Variants in RYR3 observed in about 807,000 individuals in gnomAD.
RYR3 encodes ryanodine receptor 3.
Under a neutral mutation model 584.3 loss-of-function variants are expected in RYR3, and 207 were observed. That is an observed-to-expected ratio of 0.35 (90% confidence interval 0.32 to 0.40). The LOEUF (loss-of-function observed/expected upper bound fraction) is 0.40, where lower values mean the gene tolerates loss of function less well. Ranked by LOEUF, RYR3 falls within the 10% of genes least tolerant of loss-of-function variation. RYR3 has a pLI of 1.00. For synonymous variants in RYR3, 2,416 were observed against 2,248.5 expected, an observed-to-expected ratio of 1.07 and a Z score of -2.11; for missense variants, 5,616 against 6,089.2, an observed-to-expected ratio of 0.92 and a Z score of 2.59.
chr15:33,779,219 C>A (rs2074227052), intron 64 of RYR3, among the ~76,000 whole-genome samples: 2 of 148,104 alleles, frequency 1.4e-5, no homozygotes, highest in East Asian at 1.9e-4. Context: ...CACAATTTTT[C>A]TTTTCTTTTC....
chr15:33,316,501 C>A (rs1968192865), intron 1 of RYR3, among the ~76,000 whole-genome samples: 1 of 151,998 alleles, frequency 6.6e-6, no homozygotes, highest in Non-Finnish European at 1.5e-5. Context: ...CTTTAAGCTA[C>A]CCTTAATACA....
intron 48 of RYR3, among the ~76,000 whole-genome samples, chr15:33,735,033 GC>G (rs5811791): frequency 1 from 152,248 of 152,248 alleles, 76,124 homozygotes; most frequent in Non-Finnish European, 1. Context: ...AGAGCTCACA[GC>G]CCCTATTACT....
At chr15:33,554,334 G>A (rs2056916306) in intron 10 of RYR3, among the ~76,000 whole-genome samples, 1 of 133,202 alleles carries the variant, frequency 7.5e-6, no homozygotes, top group Non-Finnish European at 1.5e-5. Flanking sequence ...TCGTTCTGTT[G>A]CCCAGGCTGG....
chr15:33,782,009 G>A (rs1292739837), intron 65 of RYR3, among the ~76,000 whole-genome samples: 1 of 152,192 alleles, frequency 6.6e-6, no homozygotes, highest in Non-Finnish European at 1.5e-5. Flanking sequence ...GCCAGCCCAG[G>A]TGTTGCTTCC....
intron 99 of RYR3, 158 bp downstream of exon 99, chr15:33,858,072 CAAACAGGAGAG>C: frequency 1.0e-6 from 1 of 959,784 alleles, no homozygotes; most frequent in Non-Finnish European, 1.5e-6. Context: ...ATGTCTTCTC[CAAACAGGAGAG>C]TGTCCTGGGA....
intron 1 of RYR3, among the ~76,000 whole-genome samples, chr15:33,424,235 C>A (rs891786712): frequency 6.6e-6 from 1 of 152,188 alleles, no homozygotes; most frequent in Admixed American, 6.5e-5. Context: ...TCTCAGTGAA[C>A]ACCTGTTTCT....
chr15:33,606,241 G>T (rs911337673), intron 18 of RYR3, among the ~76,000 whole-genome samples: 1 of 152,134 alleles, frequency 6.6e-6, no homozygotes, highest in African/African-American at 2.4e-5. Context: ...AGATTCTTAT[G>T]AAATTTAAAT....
chr15:33,435,518 G>A lies in RYR3; in HGVS notation c.52-37901G>A, dbSNP rs140432306. Among the ~76,000 whole-genome samples, 410 of 152,290 alleles carry A rather than the reference G, an allele frequency of 2.7e-3. 2 individuals carry two copies. The highest frequency in any genetic ancestry group is 9.4e-3 in the African/African-American group (392 of 41,560). ...CTGTAATAAACATTCTTATACTTGT[G>A]TGAGAATTTCTTCAGGATTTATACT... is the stretch of plus-strand genomic sequence containing the variant. On this transcript the variant is annotated intron_variant, in intron 1 of 103. Coordinates refer to ENST00000634891, the MANE Select transcript of RYR3 (RefSeq NM_001036.6).
intron 2 of RYR3, among the ~76,000 whole-genome samples, chr15:33,475,256 A>T (rs943342509): frequency 2.0e-5 from 3 of 152,104 alleles, no homozygotes; most frequent in Non-Finnish European, 2.9e-5. Context: ...AAATTAGAAA[A>T]CAAGTGGTAT....
At chr15:33,638,793 GTC>G (rs1040158241) in intron 27 of RYR3, among the ~76,000 whole-genome samples, 1 of 152,200 alleles carries the variant, frequency 6.6e-6, no homozygotes, top group African/African-American at 2.4e-5. Context: ...AGAATGAAAA[GTC>G]TATATGAATG....
At chr15:33,813,087 C>T in intron 73 of RYR3, 93 bp downstream of exon 73, 1 of 1,485,278 alleles carries the variant, frequency 6.7e-7, no homozygotes, top group Non-Finnish European at 9.2e-7. Context: ...TACAAGTGCC[C>T]TCATAAGACT....
intron 85 of RYR3, among the ~76,000 whole-genome samples, chr15:33,829,901 C>A (rs193093889): frequency 6.5e-4 from 99 of 152,172 alleles, no homozygotes; most frequent in Admixed American, 3.7e-3. Context: ...TTGGAAATAG[C>A]AAGAGAACTA....
chr15:33,661,660 C>T (rs2063171260), intron 34 of RYR3, among the ~76,000 whole-genome samples: 2 of 152,222 alleles, frequency 1.3e-5, no homozygotes, highest in South Asian at 2.1e-4. Context: ...CTCGCATGCA[C>T]GGTTCACAGT....
At chr15:33,636,912 G>T (rs1011024328) in intron 27 of RYR3, among the ~76,000 whole-genome samples, 1 of 152,194 alleles carries the variant, frequency 6.6e-6, no homozygotes, top group Non-Finnish European at 1.5e-5. Flanking sequence ...GTGAATTAAA[G>T]AATTATCCTT....
intron 9 of RYR3, among the ~76,000 whole-genome samples, 159 bp downstream of exon 9, chr15:33,548,363 AACAC>A (rs373944873): frequency 6.6e-6 from 1 of 151,918 alleles, no homozygotes; most frequent in East Asian, 1.9e-4. Context: ...GTTTTTAAAG[AACAC>A]ACACACACAC....
At chr15:33,605,683 C>T (rs750639172) in intron 18 of RYR3, among the ~76,000 whole-genome samples, 4 of 152,158 alleles carry the variant, frequency 2.6e-5, no homozygotes, top group African/African-American at 4.8e-5. Flanking sequence ...CCAACGAGCA[C>T]ACAGGGAACA....
At chr15:33,492,980 A>G (rs1346676674) in intron 2 of RYR3, among the ~76,000 whole-genome samples, 1 of 152,176 alleles carries the variant, frequency 6.6e-6, no homozygotes, top group African/African-American at 2.4e-5. Context: ...TAGCAACTAT[A>G]TCATCATTCC....
At chr15:33,765,230 T>C (rs552183886) in intron 60 of RYR3, among the ~76,000 whole-genome samples, 1 of 152,218 alleles carries the variant, frequency 6.6e-6, no homozygotes, top group East Asian at 1.9e-4. Flanking sequence ...TAGGTCATGA[T>C]TGGGCTAAAA....
At position 33,668,063 on chromosome 15, in the gene RYR3, G is replaced by GAAAAAA. The variant is rs35864583; in HGVS notation, c.5620-1281_5620-1276dup. 5.1e-3 allele frequency among the ~76,000 whole-genome samples: 500 copies of GAAAAAA among 97,566 alleles called. 11 individuals are homozygous for GAAAAAA. The highest frequency in any genetic ancestry group is 0.019 in the African/African-American group (470 of 24,878). The allele number at this position is 97,566 out of a possible 152,430, so 64.0% of individuals were successfully genotyped here. On this transcript the variant is annotated intron_variant, in intron 36 of 103. Transcript: ENST00000634891. ...GGGCAACAAAGCAAGACTCAGTCTT[G>GAAAAAA]AAAAAAAAAAAAAAATCCCTGAGAC...
Sources: gnomAD v4.1 joint callset for allele counts (sites outside exome capture counted in the v4.1 genomes callset) on GRCh38, gnomAD v4.1.1 for gene constraint, MANE v1.5 for transcripts, NCBI Gene and HGNC (gene_info 2026-07-23, HGNC 2026-07-21) for gene names.